ZFR: variants seen among roughly 807,000 people sequenced by gnomAD.
ZFR encodes the protein zinc finger RNA binding protein, also known as zinc finger RNA-binding protein.
A neutral mutation model predicts 130.7 loss-of-function variants in ZFR; 19 were observed. The observed-to-expected ratio is 0.15, with a 90% CI of 0.10 to 0.21. ZFR has a LOEUF of 0.21. Ranked by LOEUF, ZFR falls within the 10% of genes least tolerant of loss-of-function variation. The pLI, the probability that ZFR is intolerant of heterozygous loss-of-function variation, is 1.00. For missense variants in ZFR, 872 were observed against 1,321.5 expected (o/e 0.66, Z 5.27); for synonymous variants, 466 against 456.9 (o/e 1.02, Z -0.25).
intron 6 of ZFR, among the ~76,000 whole-genome samples, chr5:32,405,322 A>C (rs1223736347): frequency 6.6e-6 from 1 of 152,202 alleles, no homozygotes; most frequent in Non-Finnish European, 1.5e-5. Context: ...GGCCCCCAAA[A>C]GCTGAATCAA....
chr5:32,359,111 G>A (rs1205024733), intron 19 of ZFR, among the ~76,000 whole-genome samples: 1 of 151,966 alleles, frequency 6.6e-6, no homozygotes, highest in Non-Finnish European at 1.5e-5. Flanking sequence ...GTGAGACGGG[G>A]AGGTTGAGGC....
At position 32,354,614 on chromosome 5, in the gene ZFR, A is replaced by C. The variant is rs1752265705; in HGVS notation, c.*1146T>G. ...GCAGGTAAGATGGCCACACCAAATA[A>C]TTTTCTGTTTTTTTCCTTAGATAAT... On this transcript the variant is annotated 3_prime_UTR_variant, in exon 20 of 20. Coordinates refer to ENST00000265069, the MANE Select transcript of ZFR (RefSeq NM_016107.5). 6.6e-6 allele frequency: 1 copy of C among 152,500 alleles called. No individual in the cohort carries two copies. Among genetic ancestry groups the C allele is most frequent in the African/African-American group, 2.4e-5 (1 of 41,396 alleles). 9.4% of individuals were successfully genotyped at this position (152,500 alleles called of 1,614,324 possible). A position where few individuals can be genotyped will look rare whatever the true frequency, so the allele number is the denominator to read the frequency against.
chr5:32,360,931 G>A lies in ZFR; in HGVS notation c.3045+3017C>T, dbSNP rs114600394. Among the ~76,000 whole-genome samples, 439 of 152,084 alleles carry A rather than the reference G, an allele frequency of 2.9e-3. 1 individual carries two copies. Among genetic ancestry groups the A allele is most frequent in the African/African-American group, 0.01 (419 of 41,484 alleles). ...GGCTTAAGTGATCCTCCCACCTCAA[G>A]CCACCTGAGTAGCTGCGATTACAGG... On this transcript the variant is annotated intron_variant, in intron 19 of 19. Transcript: ENST00000265069.
At chr5:32,410,903 T>G (rs981448744) in intron 5 of ZFR, among the ~76,000 whole-genome samples, 1 of 152,218 alleles carries the variant, frequency 6.6e-6, no homozygotes, top group Non-Finnish European at 1.5e-5. Flanking sequence ...ACAGATACTT[T>G]ATAACTGTTC....
At position 32,354,519 on chromosome 5, in the gene ZFR, A is replaced by G. The variant is rs1166282164; in HGVS notation, c.*1241T>C. On this transcript the variant is annotated 3_prime_UTR_variant, in exon 20 of 20. Coordinates refer to ENST00000265069, the MANE Select transcript of ZFR (RefSeq NM_016107.5). ...GACATCTGTGTACCAGAGCATACAT[A>G]TATCAACAGTAAGATGTAATTTTTC... The G allele has an allele frequency of 6.5e-6, 1 of 152,680 alleles. No individual in the cohort carries two copies. The highest frequency in any genetic ancestry group is 2.4e-5 in the African/African-American group (1 of 41,470). The allele number at this position is 152,680 out of a possible 1,614,324, so 9.5% of individuals were successfully genotyped here. A position where few individuals can be genotyped will look rare whatever the true frequency, so the allele number is the denominator to read the frequency against.
chr5:32,381,626 T>TA (rs1298516651), intron 15 of ZFR, among the ~76,000 whole-genome samples: 1 of 152,200 alleles, frequency 6.6e-6, no homozygotes, highest in Non-Finnish European at 1.5e-5. Context: ...AGCATTCAGA[T>TA]ATCTTAAAGG....
intron 4 of ZFR, among the ~76,000 whole-genome samples, chr5:32,415,917 CG>C (rs78870106): frequency 0.41 from 62,370 of 151,732 alleles, 12,989 homozygotes; most frequent in East Asian, 0.56. Context: ...CCCAAAATCA[CG>C]GGGCCAAGCT....
In ZFR at chr5:32,397,849, C is replaced by CTTTTTTTTTTTT. The variant is rs70961626; in HGVS notation, c.1714-523_1714-512dup. ...TGATAGCATGTGTTTGCTCTTGTAT[C>CTTTTTTTTTTTT]TTTTTTTTTTTTTTTTTTTTTTTTT... On this transcript the variant is annotated intron_variant, in intron 9 of 19. Transcript: ENST00000265069. Among the ~76,000 whole-genome samples the CTTTTTTTTTTTT allele has an allele frequency of 3.7e-4, 25 of 66,876 alleles. 7 individuals are homozygous for CTTTTTTTTTTTT. Among genetic ancestry groups the CTTTTTTTTTTTT allele is most frequent in the African/African-American group, 1.4e-3 (22 of 15,910 alleles). 43.9% of individuals were successfully genotyped at this position (66,876 alleles called of 152,430 possible). A position where few individuals can be genotyped will look rare whatever the true frequency, so the allele number is the denominator to read the frequency against.
chr5:32,370,353 G>GAGAC (rs1445533251), intron 17 of ZFR, among the ~76,000 whole-genome samples: 2 of 1,384 alleles, frequency 1.4e-3, no homozygotes, highest in South Asian at 0.015. Flanking sequence ...GAGAGAGAGA[G>GAGAC]ACAGACAGAC....
chr5:32,401,420 A>C (rs1753446000), intron 8 of ZFR, among the ~76,000 whole-genome samples: 1 of 152,246 alleles, frequency 6.6e-6, no homozygotes, highest in South Asian at 2.1e-4. Flanking sequence ...AAGGTTTCAC[A>C]AAGGGTGTGA....
chr5:32,443,438 G>A (rs1486317830), intron 2 of ZFR, among the ~76,000 whole-genome samples: 2 of 152,226 alleles, frequency 1.3e-5, no homozygotes, highest in African/African-American at 4.8e-5. Flanking sequence ...AAAGACCCCC[G>A]CAAGGAGAAT....
intron 4 of ZFR, among the ~76,000 whole-genome samples, chr5:32,415,918 G>A (rs759890088): frequency 3.8e-5 from 2 of 52,798 alleles, no homozygotes; most frequent in Non-Finnish European, 8.9e-5. Flanking sequence ...CCAAAATCAC[G>A]GGGCCAAGCT....
chr5:32,385,370 C>T (rs565671644), intron 15 of ZFR, 138 bp downstream of exon 15: 21 of 956,570 alleles, frequency 2.2e-5, no homozygotes, highest in Admixed American at 7.9e-5. Context: ...TAGGCAAAAC[C>T]GGTTGCTAAA....
In ZFR at chr5:32,355,675, T is replaced by A. The variant is rs968826864; in HGVS notation, c.*85A>T. 6 of 1,257,472 alleles carry A rather than the reference T, an allele frequency of 4.8e-6. No homozygotes were observed. In the Admixed American group the frequency reaches 1.6e-4, roughly 34 times the overall value. The allele number at this position is 1,257,472 out of a possible 1,614,324, so 77.9% of individuals were successfully genotyped here. ...GAAATCCTTTAAATTCTTGATAAATTTTTCAATGTAGACATTATTATGAAT... is the reference window on the plus strand; with the variant it reads ...GAAATCCTTTAAATTCTTGATAAATATTTCAATGTAGACATTATTATGAAT... On this transcript the variant is annotated 3_prime_UTR_variant, in exon 20 of 20. Transcript: ENST00000265069.
chr5:32,424,388 G>A (rs1754023630), intron 2 of ZFR, among the ~76,000 whole-genome samples: 1 of 152,160 alleles, frequency 6.6e-6, no homozygotes, highest in African/African-American at 2.4e-5. Context: ...AACATTAGCT[G>A]GGCGCAGTGG....
At chr5:32,360,990 A>AT (rs1752419783) in intron 19 of ZFR, among the ~76,000 whole-genome samples, 1 of 152,112 alleles carries the variant, frequency 6.6e-6, no homozygotes, top group Non-Finnish European at 1.5e-5. Flanking sequence ...AATTAAAAAA[A>AT]TTTTTTATAG....
chr5:32,434,370 T>C (rs545401483), intron 2 of ZFR, among the ~76,000 whole-genome samples: 2 of 152,340 alleles, frequency 1.3e-5, no homozygotes, highest in South Asian at 4.1e-4. Context: ...TTATGATCTA[T>C]CTGATAATTG....
chr5:32,397,103 G>A, intron 10 of ZFR, 116 bp downstream of exon 10: 1 of 1,135,058 alleles, frequency 8.8e-7, no homozygotes, highest in Non-Finnish European at 1.2e-6. Context: ...CTTAGAATGG[G>A]ACATCATGGA....
intron 17 of ZFR, among the ~76,000 whole-genome samples, chr5:32,377,294 G>A (rs1027709135): frequency 2.5e-4 from 37 of 150,572 alleles, no homozygotes; most frequent in African/African-American, 8.5e-4. Flanking sequence ...GTGCAGTGGC[G>A]TGATCTCGGC....
Sources: gnomAD v4.1 joint callset for allele counts (sites outside exome capture counted in the v4.1 genomes callset) on GRCh38, gnomAD v4.1.1 for gene constraint, MANE v1.5 for transcripts, NCBI Gene and HGNC (gene_info 2026-07-23, HGNC 2026-07-21) for gene names.